Variants in GRID2 observed in about 807,000 individuals in gnomAD.
The protein encoded by GRID2 is glutamate receptor ionotropic, delta-2.
GRID2 carries 33 observed loss-of-function variants against 114.8 expected under a neutral mutation model. That is an observed-to-expected ratio of 0.29 (90% CI 0.22 to 0.38). The LOEUF (loss-of-function observed/expected upper bound fraction) is 0.38, where lower values mean the gene tolerates loss of function less well. GRID2 is among the 10% of genes least tolerant of loss of function. The pLI is 1.00. For missense variants in GRID2, 1,184 were observed against 1,257.7 expected (o/e 0.94, Z 0.89); for synonymous variants, 505 against 449.9 (o/e 1.12, Z -1.55).
intron 13 of GRID2, among the ~76,000 whole-genome samples, chr4:93,604,261 C>G (rs2149646976): frequency 6.6e-6 from 1 of 152,256 alleles, no homozygotes. Context: ...ATGACTTTCA[C>G]AGGCTTAACA....
chr4:93,201,953 T>G (rs1208566800), intron 4 of GRID2, among the ~76,000 whole-genome samples: 1 of 152,324 alleles, frequency 6.6e-6, no homozygotes, highest in Non-Finnish European at 1.5e-5. Flanking sequence ...AATTCCCTTA[T>G]AGTAAGCTCA....
At chr4:93,714,044 G>C (rs960788707) in intron 14 of GRID2, among the ~76,000 whole-genome samples, 1 of 151,888 alleles carries the variant, frequency 6.6e-6, no homozygotes, top group Non-Finnish European at 1.5e-5. Context: ...CATCACCTAG[G>C]TATTAAGCCT....
At position 93,788,445 on chromosome 4, in the gene GRID2, T is replaced by C. The variant is rs192254767; in HGVS notation, c.222-18270T>C. On this transcript the variant is annotated intron_variant, in intron 1 of 1. Coordinates refer to the GRID2 transcript ENST00000637838. ...CATACAAAAAAGATAAGTATGAATATCTTAATTAGCTTAATCTAATAATTT... is the reference window on the plus strand; with the variant it reads ...CATACAAAAAAGATAAGTATGAATACCTTAATTAGCTTAATCTAATAATTT... Among the ~76,000 whole-genome samples, 16 of 152,288 alleles carry C rather than the reference T, an allele frequency of 1.1e-4. No individual in the cohort carries two copies. The East Asian group carries it at 3.1e-3, about 29-fold the overall frequency.
chr4:93,041,784 T>C (rs1474653932), intron 2 of GRID2, among the ~76,000 whole-genome samples: 1 of 152,152 alleles, frequency 6.6e-6, no homozygotes, highest in Non-Finnish European at 1.5e-5. Flanking sequence ...TATTCTGATG[T>C]GTGAAGAATT....
intron 1 of GRID2, among the ~76,000 whole-genome samples, chr4:92,576,587 C>A (rs1727907538): frequency 6.6e-6 from 1 of 152,166 alleles, no homozygotes; most frequent in Non-Finnish European, 1.5e-5. Flanking sequence ...GTTCCTGGGG[C>A]TGGAGTATGT....
chr4:93,072,621 A>G (rs952351808), intron 2 of GRID2, among the ~76,000 whole-genome samples: 1 of 151,790 alleles, frequency 6.6e-6, no homozygotes, highest in Non-Finnish European at 1.5e-5. Context: ...CAATAAATAT[A>G]TTGGAAATTT....
intron 1 of GRID2, among the ~76,000 whole-genome samples, chr4:92,342,041 AATATTT>A (rs1352305546): frequency 2.0e-5 from 3 of 152,192 alleles, no homozygotes; most frequent in African/African-American, 7.2e-5. Context: ...TTAATTAAAA[AATATTT>A]ATTATTGTAC....
chr4:92,800,547 A>C (rs970275615), intron 2 of GRID2, among the ~76,000 whole-genome samples: 1 of 152,046 alleles, frequency 6.6e-6, no homozygotes, highest in Non-Finnish European at 1.5e-5. Context: ...TCACATATAC[A>C]TGGTTCAGAA....
At chr4:92,962,444 C>T (rs1752883300) in intron 2 of GRID2, among the ~76,000 whole-genome samples, 1 of 151,760 alleles carries the variant, frequency 6.6e-6, no homozygotes, top group Admixed American at 6.6e-5. Flanking sequence ...AATAGGATAG[C>T]TAGAATGGGC....
chr4:92,895,619 A>G (rs950681489), intron 2 of GRID2, among the ~76,000 whole-genome samples: 3 of 151,916 alleles, frequency 2.0e-5, no homozygotes, highest in African/African-American at 7.3e-5. Context: ...TGCTTAAAAA[A>G]TATTAAAATA....
At chr4:92,486,355 T>C (rs976282767) in intron 1 of GRID2, among the ~76,000 whole-genome samples, 2 of 151,788 alleles carry the variant, frequency 1.3e-5, no homozygotes, top group Admixed American at 6.6e-5. Flanking sequence ...TCATATTTTA[T>C]ATAAATTGAG....
chr4:92,744,881 G>A (rs187280104), intron 2 of GRID2, among the ~76,000 whole-genome samples: 18 of 152,148 alleles, frequency 1.2e-4, no homozygotes, highest in East Asian at 1.9e-4. Context: ...GATTTCTGGC[G>A]TTCTGTCTGG....
intron 13 of GRID2, among the ~76,000 whole-genome samples, chr4:93,544,734 A>T (rs1382365792): frequency 6.6e-6 from 1 of 151,124 alleles, no homozygotes; most frequent in East Asian, 1.9e-4. Flanking sequence ...TCGAGATCAC[A>T]CCATTGCACT....
At chr4:93,394,765 G>T (rs929068021) in intron 8 of GRID2, among the ~76,000 whole-genome samples, 1 of 151,970 alleles carries the variant, frequency 6.6e-6, no homozygotes, top group Non-Finnish European at 1.5e-5. Flanking sequence ...TTCTCAAGAT[G>T]TGCATTACAA....
In GRID2 at chr4:93,049,811, G is replaced by A. The variant is rs183789258; in HGVS notation, c.245-35184G>A. On this transcript the variant is annotated intron_variant, in intron 2 of 15. Transcript: ENST00000282020. ...ATAATGCTACACATAACCAAAGGTA[G>A]TATTTCAAAATGCTACAGTCTTACT... is the stretch of plus-strand genomic sequence containing the variant. Among the ~76,000 whole-genome samples the A allele has an allele frequency of 2.6e-5, 4 of 152,006 alleles. No homozygotes were observed. In the East Asian group the frequency reaches 7.7e-4, roughly 29 times the overall value.
intron 2 of GRID2, among the ~76,000 whole-genome samples, chr4:92,892,750 C>A (rs1270558438): frequency 2.0e-5 from 3 of 152,108 alleles, no homozygotes; most frequent in African/African-American, 4.8e-5. Flanking sequence ...TTTTTAAAAT[C>A]TAAAATCATT....
intron 1 of GRID2, among the ~76,000 whole-genome samples, chr4:92,453,530 T>C (rs1031201456): frequency 2.0e-5 from 3 of 152,246 alleles, no homozygotes; most frequent in African/African-American, 7.2e-5. Context: ...TGATTTTTAA[T>C]GTACATGTTG....
At chr4:93,222,634 G>C (rs1460061589) in intron 6 of GRID2, among the ~76,000 whole-genome samples, 1 of 151,478 alleles carries the variant, frequency 6.6e-6, no homozygotes, top group Non-Finnish European at 1.5e-5. Context: ...CCCCACAACA[G>C]GCCCCGGTGT....
intron 1 of GRID2, among the ~76,000 whole-genome samples, chr4:92,386,331 T>A (rs1441950054): frequency 6.6e-6 from 1 of 151,768 alleles, no homozygotes; most frequent in African/African-American, 2.4e-5. Context: ...CATCAAAGTG[T>A]ATGTACCATG....
Sources: gnomAD v4.1 joint callset for allele counts (sites outside exome capture counted in the v4.1 genomes callset) on GRCh38, gnomAD v4.1.1 for gene constraint, MANE v1.5 for transcripts, NCBI Gene and HGNC (gene_info 2026-07-23, HGNC 2026-07-21) for gene names.